CSNK1G1: variants seen among roughly 807,000 people sequenced by gnomAD.
CSNK1G1 encodes the protein casein kinase 1 gamma 1.
In CSNK1G1, 22 loss-of-function variants were observed where a neutral mutation model predicts 59.6. The ratio of observed to expected loss-of-function variants is 0.37; its 90% CI spans 0.26 to 0.53. The LOEUF (loss-of-function observed/expected upper bound fraction) is 0.53. CSNK1G1 is among the 20% of genes least tolerant of loss of function. CSNK1G1 has a pLI of 0.89. For missense variants in CSNK1G1, 384 were observed against 519.5 expected, an observed-to-expected ratio of 0.74 and a Z score of 2.54; for synonymous variants, 179 against 177.1, an observed-to-expected ratio of 1.01 and a Z score of -0.08.
intron 11 of CSNK1G1, 147 bp from the exon 12 acceptor site, chr15:64,172,132 A>T: frequency 1.4e-6 from 1 of 706,868 alleles, no homozygotes; most frequent in Non-Finnish European, 2.5e-6. Context: ...CACGCACTGG[A>T]GGCAGTGGGC....
At chr15:64,349,155 AG>A (rs971863553) in intron 1 of CSNK1G1, among the ~76,000 whole-genome samples, 2 of 151,776 alleles carry the variant, frequency 1.3e-5, no homozygotes, top group Non-Finnish European at 1.5e-5. Context: ...AAAAAAAAAA[AG>A]TATCAAGACA....
rs140427207 is a variant in CSNK1G1, at chr15:64,235,670, C to T, written c.292+15842G>A. On this transcript the variant is annotated intron_variant, in intron 4 of 11. Transcript: ENST00000303052. ...GGAAAGGGGGTTCTGGATTATCTTC[C>T]CCGCAAGGTAGAAGTTAAACTCCTG... Among the ~76,000 whole-genome samples, 3 of 152,196 alleles carry T rather than the reference C, an allele frequency of 2.0e-5. No homozygotes were observed. The East Asian group carries it at 5.8e-4, about 29-fold the overall frequency.
chr15:64,291,357 C>A (rs921085681), intron 2 of CSNK1G1, among the ~76,000 whole-genome samples: 21 of 152,088 alleles, frequency 1.4e-4, no homozygotes, highest in African/African-American at 5.1e-4. Flanking sequence ...GAGGCTGAAG[C>A]GGGCAGATCA....
At chr15:64,181,535 G>A (rs2081813659) in intron 10 of CSNK1G1, 3 of 1,068,682 alleles carry the variant, frequency 2.8e-6, no homozygotes, top group Non-Finnish European at 3.9e-6. Context: ...AGGTTGATGA[G>A]AGAATTATAC....
chr15:64,235,147 A>T (rs1318538968), intron 4 of CSNK1G1, among the ~76,000 whole-genome samples: 5 of 152,210 alleles, frequency 3.3e-5, no homozygotes, highest in Non-Finnish European at 7.3e-5. Context: ...CCTAGGAATT[A>T]TCCAAGTGTT....
chr15:64,277,666 T>C (rs1225737118), intron 2 of CSNK1G1, among the ~76,000 whole-genome samples: 6 of 135,966 alleles, frequency 4.4e-5, no homozygotes, highest in Non-Finnish European at 7.6e-5. Flanking sequence ...GCAATATTGA[T>C]ATATTTAATA....
chr15:64,221,519 C>G (rs2082388023), intron 4 of CSNK1G1, among the ~76,000 whole-genome samples: 1 of 151,940 alleles, frequency 6.6e-6, no homozygotes, highest in African/African-American at 2.4e-5. Flanking sequence ...CACTGGCAGG[C>G]TTTGGGATGC....
chr15:64,207,417 C>T, intron 7 of CSNK1G1, 92 bp downstream of exon 7: 1 of 933,048 alleles, frequency 1.1e-6, no homozygotes, highest in Non-Finnish European at 1.7e-6. Flanking sequence ...GGCCAGCCCC[C>T]TACACATTTC....
rs374440000 is a variant in CSNK1G1 at position 64,270,542 on chromosome 15, G to A, written c.182-11301C>T. On this transcript the variant is annotated intron_variant, in intron 2 of 11. Coordinates refer to ENST00000303052, the MANE Select transcript of CSNK1G1 (RefSeq NM_022048.5). ...TGGGAGGCCGAGATGGGCGGATCAC[G>A]AGGTCAGGAGATCGAGACCATCCTG... is the stretch of plus-strand genomic sequence containing the variant. 4.6e-5 allele frequency among the ~76,000 whole-genome samples: 7 copies of A among 152,126 alleles called. No individual in the cohort carries two copies. In the East Asian group the frequency reaches 5.8e-4, roughly 13 times the overall value.
chr15:64,336,564 C>T (rs908601260), intron 1 of CSNK1G1, among the ~76,000 whole-genome samples: 2 of 152,034 alleles, frequency 1.3e-5, no homozygotes, highest in Non-Finnish European at 2.9e-5. Flanking sequence ...TCATGACCAG[C>T]CTGGGCAACT....
intron 3 of CSNK1G1, among the ~76,000 whole-genome samples, chr15:64,257,655 G>A (rs966307090): frequency 3.3e-5 from 5 of 152,020 alleles, no homozygotes; most frequent in Non-Finnish European, 5.9e-5. Flanking sequence ...CCAAAGTAGT[G>A]GGGACTATAG....
chr15:64,232,911 G>A (rs1392949617), intron 4 of CSNK1G1, among the ~76,000 whole-genome samples: 1 of 152,072 alleles, frequency 6.6e-6, no homozygotes, highest in Non-Finnish European at 1.5e-5. Flanking sequence ...GAACCTTCAG[G>A]GTCTGTGTCT....
In CSNK1G1 at chr15:64,216,820, A is replaced by G. The variant is rs1226327274; in HGVS notation, c.293-107T>C. Reference sequence around the variant, plus strand: ...AATATTTTTAAAAGTACAATTTGTGAGATTTCCATTTTCTTTCATAGTCCC... The same window carrying G: ...AATATTTTTAAAAGTACAATTTGTGGGATTTCCATTTTCTTTCATAGTCCC... On this transcript the variant is annotated intron_variant, in intron 4 of 11. Coordinates refer to ENST00000303052, the MANE Select transcript of CSNK1G1 (RefSeq NM_022048.5). This position sits in a 1 kb window ranked among gnomAD's most constrained non-coding sequence, Gnocchi z 4.6. 2 of 1,080,298 alleles carry G rather than the reference A, an allele frequency of 1.9e-6. No homozygotes were observed. The highest frequency in any genetic ancestry group is 5.2e-5 in the East Asian group (2 of 38,498). The allele number at this position is 1,080,298 out of a possible 1,614,324, so 66.9% of individuals were successfully genotyped here.
chr15:64,352,512 C>G (rs1898365547), intron 1 of CSNK1G1, among the ~76,000 whole-genome samples: 1 of 115,428 alleles, frequency 8.7e-6, no homozygotes, highest in Admixed American at 1.1e-4. Context: ...ATGGCACAAT[C>G]TTGGCTCACC....
intron 1 of CSNK1G1, among the ~76,000 whole-genome samples, chr15:64,306,578 G>A (rs1895695619): frequency 6.6e-6 from 1 of 152,148 alleles, no homozygotes; most frequent in Admixed American, 6.6e-5. Context: ...AAGTTTGGCA[G>A]TTTCTTATGT....
At chr15:64,343,398 A>C (rs1279012641) in intron 1 of CSNK1G1, among the ~76,000 whole-genome samples, 1 of 152,088 alleles carries the variant, frequency 6.6e-6, no homozygotes, top group African/African-American at 2.4e-5. Context: ...AATCAAACCC[A>C]GCCTTTAAGC....
chr15:64,324,493 C>T (rs1896736067), intron 1 of CSNK1G1, among the ~76,000 whole-genome samples: 2 of 152,220 alleles, frequency 1.3e-5, no homozygotes, highest in Admixed American at 1.3e-4. Context: ...GAACATCTGA[C>T]TTCAAGTTCT....
At chr15:64,259,165 C>T in intron 3 of CSNK1G1, 36 bp downstream of exon 3, 1 of 1,543,442 alleles carries the variant, frequency 6.5e-7, no homozygotes, top group South Asian at 1.2e-5. Flanking sequence ...AATGGGAGCA[C>T]CAAAACATTA....
intron 2 of CSNK1G1, among the ~76,000 whole-genome samples, chr15:64,285,768 AT>A (rs968011349): frequency 6.6e-6 from 1 of 152,088 alleles, no homozygotes; most frequent in Non-Finnish European, 1.5e-5. Context: ...ATAAAAACAG[AT>A]TGCTCCATGT....
Sources: allele counts gnomAD v4.1 joint callset (sites outside exome capture counted in the v4.1 genomes callset), GRCh38; gene constraint gnomAD v4.1.1; non-coding constraint Gnocchi (gnomAD v3.1); transcripts MANE v1.5; gene names NCBI Gene and HGNC (gene_info 2026-07-23, HGNC 2026-07-21).